Variants in KIAA1217 observed in about 807,000 individuals in gnomAD.
KIAA1217 encodes the protein sickle tail protein homolog.
Under a neutral mutation model 163.9 loss-of-function variants are expected in KIAA1217, and 88 were observed. The observed-to-expected ratio is 0.54, with a 90% CI of 0.45 to 0.64. The LOEUF is 0.64. KIAA1217 is among the 30% of genes least tolerant of loss of function. KIAA1217 has a pLI of 0.00. For synonymous variants in KIAA1217, 903 were observed against 923.1 expected, an observed-to-expected ratio of 0.98 and a Z score of 0.39; for missense variants, 2,372 against 2,475.0, an observed-to-expected ratio of 0.96 and a Z score of 0.88.
Position 24,194,762 on chromosome 10 carries a change from ATTTTTTTTTTTT to A in KIAA1217, c.-170-24850_-170-24839del, listed in dbSNP as rs762968095. Among the ~76,000 whole-genome samples the A allele has an allele frequency of 5.1e-5, 5 of 97,994 alleles. No individual in the cohort carries two copies. The East Asian group carries it at 1.1e-3, about 22-fold the overall frequency. The allele number at this position is 97,994 out of a possible 152,430, so 64.3% of individuals were successfully genotyped here. A position where few individuals can be genotyped will look rare whatever the true frequency, so the allele number is the denominator to read the frequency against. On this transcript the variant is annotated intron_variant, in intron 2 of 18. Coordinates refer to the KIAA1217 transcript ENST00000376462. ...CCTATAGTCACACCCAGCCAATTAA[ATTTTTTTTTTTT>A]TTTTTTTTTTTTTAGAGAGAAGAGT...
intron 10 of KIAA1217, among the ~76,000 whole-genome samples, chr10:24,519,287 C>T (rs2070712690): frequency 6.6e-6 from 1 of 152,104 alleles, no homozygotes; most frequent in Non-Finnish European, 1.5e-5. Context: ...GTAATGTGGC[C>T]AAGGAGGTGG....
chr10:23,726,957 TC>T (rs1379170499), intron 1 of KIAA1217, among the ~76,000 whole-genome samples: 1 of 151,040 alleles, frequency 6.6e-6, no homozygotes, highest in Non-Finnish European at 1.5e-5. Context: ...CCATGCCATT[TC>T]CATGCCATTT....
At chr10:24,495,248 G>A (rs777694274) in intron 8 of KIAA1217, 52 bp downstream of exon 8, 1 of 1,430,764 alleles carries the variant, frequency 7.0e-7, no homozygotes, top group South Asian at 1.2e-5. Flanking sequence ...CCTGGGATGA[G>A]CCCTGGCTGG....
upstream of KIAA1217, among the ~76,000 whole-genome samples, chr10:24,207,606 C>T (rs565292192): frequency 6.6e-6 from 1 of 152,334 alleles, no homozygotes; most frequent in East Asian, 1.9e-4. Context: ...ATCTGCCCTG[C>T]AAATCCCACT....
intron 1 of KIAA1217, among the ~76,000 whole-genome samples, chr10:23,860,808 T>C (rs1030124042): frequency 6.6e-6 from 1 of 152,172 alleles, no homozygotes; most frequent in African/African-American, 2.4e-5. Context: ...TCTCCATTCC[T>C]GTGTTATACA....
At chr10:24,158,264 G>A (rs1228203829) in intron 2 of KIAA1217, 1 of 719,754 alleles carries the variant, frequency 1.4e-6, no homozygotes, top group Non-Finnish European at 2.6e-6. Flanking sequence ...GGTCAGTCAT[G>A]AAAGATGACA....
chr10:23,923,870 T>G (rs1318725889), intron 1 of KIAA1217, among the ~76,000 whole-genome samples: 2 of 152,246 alleles, frequency 1.3e-5, no homozygotes, highest in African/African-American at 4.8e-5. Flanking sequence ...ATATTATTTG[T>G]TGCTTTTATT....
intron 3 of KIAA1217, among the ~76,000 whole-genome samples, chr10:24,389,946 C>T (rs1449281776): frequency 6.6e-6 from 1 of 152,162 alleles, no homozygotes; most frequent in African/African-American, 2.4e-5. Flanking sequence ...AGGCCCAACT[C>T]TGCATCTGTG....
At chr10:23,970,919 T>C (rs1845287743) in intron 1 of KIAA1217, among the ~76,000 whole-genome samples, 1 of 151,938 alleles carries the variant, frequency 6.6e-6, no homozygotes. Flanking sequence ...TAAGGCAGAG[T>C]GAGGAGACCA....
intron 2 of KIAA1217, among the ~76,000 whole-genome samples, chr10:24,319,268 C>A (rs78626024): frequency 0.03 from 4,485 of 150,632 alleles, 121 homozygotes; most frequent in East Asian, 0.1. Context: ...CCCAGCTACT[C>A]AGGAGGCTGA....
chr10:23,843,294 G>A (rs915587075), intron 1 of KIAA1217, among the ~76,000 whole-genome samples: 1 of 152,084 alleles, frequency 6.6e-6, no homozygotes, highest in East Asian at 1.9e-4. Flanking sequence ...AGATCAACTC[G>A]AAATAGTCCT....
intron 1 of KIAA1217, among the ~76,000 whole-genome samples, chr10:23,815,835 C>T (rs1232261977): frequency 2.0e-5 from 3 of 152,088 alleles, no homozygotes; most frequent in Non-Finnish European, 4.4e-5. Context: ...ATTTCGTTTA[C>T]GAAGTCTTTA....
At chr10:24,411,463 C>T (rs2057763213) in intron 3 of KIAA1217, among the ~76,000 whole-genome samples, 1 of 152,130 alleles carries the variant, frequency 6.6e-6, no homozygotes, top group South Asian at 2.1e-4. Flanking sequence ...TACTTACATT[C>T]CCAAGACCCT....
At chr10:23,833,398 G>A (rs1287720455) in intron 1 of KIAA1217, among the ~76,000 whole-genome samples, 1 of 151,400 alleles carries the variant, frequency 6.6e-6, no homozygotes, top group Non-Finnish European at 1.5e-5. Flanking sequence ...CAGGAGAATT[G>A]CTTGAACCCA....
chr10:23,710,684 C>A (rs185749132), intron 1 of KIAA1217, among the ~76,000 whole-genome samples: 5 of 152,226 alleles, frequency 3.3e-5, no homozygotes, highest in African/African-American at 1.2e-4. Flanking sequence ...TTGTGTTGAA[C>A]TTTTACTCAA....
intron 2 of KIAA1217, among the ~76,000 whole-genome samples, chr10:24,014,912 A>G (rs994395449): frequency 6.6e-6 from 1 of 152,164 alleles, no homozygotes; most frequent in African/African-American, 2.4e-5. Context: ...TAAACAGAAT[A>G]CAGCACATGG....
chr10:24,460,539 C>T (rs1250857717), intron 5 of KIAA1217, among the ~76,000 whole-genome samples: 2 of 152,086 alleles, frequency 1.3e-5, no homozygotes, highest in African/African-American at 2.4e-5. Context: ...CGGTGTTACC[C>T]TCTGGGACTA....
chr10:24,260,586 CAA>C (rs11352927), intron 2 of KIAA1217, among the ~76,000 whole-genome samples: 83 of 61,162 alleles, frequency 1.4e-3, no homozygotes, highest in African/African-American at 3.4e-3. Flanking sequence ...CTCATCTCTA[CAA>C]AAAAAAAAAA....
chr10:24,337,817 G>C (rs1485684291), intron 2 of KIAA1217, among the ~76,000 whole-genome samples: 1 of 151,566 alleles, frequency 6.6e-6, no homozygotes, highest in Non-Finnish European at 1.5e-5. Flanking sequence ...CTAATTTTTT[G>C]TATTTTTAGT....
Sources: allele counts gnomAD v4.1 joint callset (sites outside exome capture counted in the v4.1 genomes callset), GRCh38; gene constraint gnomAD v4.1.1; transcripts MANE v1.5; gene names NCBI Gene and HGNC (gene_info 2026-07-23, HGNC 2026-07-21).